The following PTPRD variants were observed in gnomAD, a reference collection of about 807,000 sequenced individuals.
PTPRD encodes receptor-type tyrosine-protein phosphatase delta.
PTPRD carries 34 observed loss-of-function variants against 214.5 expected under a neutral mutation model. That is an observed-to-expected ratio of 0.16 (90% CI 0.12 to 0.21). The LOEUF is 0.21. PTPRD is among the 10% of genes least tolerant of loss of function. The pLI, the probability that PTPRD is intolerant of heterozygous loss-of-function variation, is 1.00. For synonymous variants in PTPRD, 1,128 were observed against 845.7 expected (o/e 1.33, Z -5.79); for missense variants, 2,545 against 2,398.7 (o/e 1.06, Z -1.27).
intron 2 of PTPRD, among the ~76,000 whole-genome samples, chr9:10,598,612 C>T (rs1289243800): frequency 6.6e-6 from 1 of 151,034 alleles, no homozygotes; most frequent in Non-Finnish European, 1.5e-5. Flanking sequence ...TGGCATTCAA[C>T]ATTATGGAGC....
intron 8 of PTPRD, among the ~76,000 whole-genome samples, chr9:9,540,888 C>A (rs1365036595): frequency 6.6e-6 from 1 of 151,540 alleles, no homozygotes; most frequent in Non-Finnish European, 1.5e-5. Context: ...CAAAACGTTG[C>A]CATAAATTTT....
At chr9:10,463,621 T>G (rs575604160) in intron 2 of PTPRD, among the ~76,000 whole-genome samples, 72 of 141,256 alleles carry the variant, frequency 5.1e-4, no homozygotes, top group African/African-American at 1.5e-3. Context: ...AAAAAGAGGG[T>G]TTTTTTTTCT....
chr9:10,568,558 G>C (rs1335636088), intron 2 of PTPRD, among the ~76,000 whole-genome samples: 3 of 152,152 alleles, frequency 2.0e-5, no homozygotes, highest in Admixed American at 6.5e-5. Flanking sequence ...TTCCACAATG[G>C]TTGAACTAGT....
intron 9 of PTPRD, among the ~76,000 whole-genome samples, chr9:9,319,597 G>C (rs768017423): frequency 6.6e-6 from 1 of 152,076 alleles, no homozygotes; most frequent in Admixed American, 6.6e-5. Context: ...TTCCCCATAT[G>C]TCTTCTACTC....
Position 10,441,349 on chromosome 9 carries a change from T to C in PTPRD, c.-599-100332A>G, listed in dbSNP as rs1266047280. ...TGGACTTCCTTTACTCTTTCCTATG[T>C]ATCAGGCAGTATAGGCATTCTGAAT... On this transcript the variant is annotated intron_variant, in intron 2 of 45. Coordinates refer to ENST00000381196, the MANE Select transcript of PTPRD (RefSeq NM_002839.4). Among the ~76,000 whole-genome samples the C allele has an allele frequency of 2.0e-5, 3 of 151,712 alleles. No homozygotes were observed. In the South Asian group the frequency reaches 6.2e-4, roughly 31 times the overall value.
At chr9:8,745,316 C>G (rs779617529) in intron 11 of PTPRD, among the ~76,000 whole-genome samples, 1 of 152,104 alleles carries the variant, frequency 6.6e-6, no homozygotes, top group Non-Finnish European at 1.5e-5. Flanking sequence ...TGACTTACTG[C>G]AACAGAAATA....
chr9:10,305,762 T>C (rs2096043137), intron 3 of PTPRD, among the ~76,000 whole-genome samples: 1 of 152,012 alleles, frequency 6.6e-6, no homozygotes. Context: ...AATTAAAAAG[T>C]CAGGAAACAA....
Position 8,612,572 on chromosome 9 carries a change from G to C in PTPRD, c.352+20745C>G, listed in dbSNP as rs139438402. The stretch of plus-strand genomic sequence containing the variant: ...TCAGTTATTACATGGGAATGCATTG[G>C]TCAGAAGAAGCAAGACAGAAGAATA... On this transcript the variant is annotated intron_variant, in intron 14 of 45. Coordinates refer to ENST00000381196, the MANE Select transcript of PTPRD (RefSeq NM_002839.4). 4.9e-3 allele frequency among the ~76,000 whole-genome samples: 751 copies of C among 152,344 alleles called. 7 individuals carry two copies. Among genetic ancestry groups the C allele is most frequent in the African/African-American group, 0.017 (722 of 41,578 alleles).
Position 10,085,095 on chromosome 9 carries a change from A to G in PTPRD, c.-544-51305T>C, listed in dbSNP as rs959637958. Among the ~76,000 whole-genome samples the G allele has an allele frequency of 1.8e-4, 27 of 151,904 alleles. 1 individual carries two copies. The highest frequency in any genetic ancestry group is 1.8e-3 in the Admixed American group (27 of 15,192). On this transcript the variant is annotated intron_variant, in intron 3 of 45. Transcript: ENST00000381196. ...TGAACATTCATTAGGAATGGTTACA[A>G]AATATTTGAATTTCTCCTTCATTCT...
At chr9:9,854,169 A>G (rs912412191) in intron 5 of PTPRD, among the ~76,000 whole-genome samples, 3 of 152,180 alleles carry the variant, frequency 2.0e-5, no homozygotes, top group African/African-American at 4.8e-5. Context: ...CCTGCTATTT[A>G]CATTAAATGT....
intron 11 of PTPRD, among the ~76,000 whole-genome samples, chr9:9,001,370 T>A (rs553513455): frequency 6.6e-6 from 1 of 151,990 alleles, no homozygotes; most frequent in East Asian, 1.9e-4. Context: ...CTCTGACAGA[T>A]TGAGTTACCT....
chr9:8,943,674 AAATGG>A (rs2099046994), intron 11 of PTPRD, among the ~76,000 whole-genome samples: 2 of 151,492 alleles, frequency 1.3e-5, no homozygotes, highest in Non-Finnish European at 2.9e-5. Context: ...TTCCCAGAAT[AAATGG>A]TTCTGGGAAA....
intron 11 of PTPRD, among the ~76,000 whole-genome samples, chr9:9,014,176 CG>C (rs1213111603): frequency 1.5e-4 from 18 of 123,112 alleles, no homozygotes; most frequent in African/African-American, 5.8e-4. Context: ...GCTATTACCT[CG>C]TTTTTTTTTG....
At chr9:10,321,929 G>A (rs895951265) in intron 3 of PTPRD, among the ~76,000 whole-genome samples, 7 of 151,988 alleles carry the variant, frequency 4.6e-5, no homozygotes, top group Admixed American at 1.3e-4. Context: ...AAAAAGCCAG[G>A]AAGGAAGATT....
chr9:9,556,323 G>T (rs572823341), intron 8 of PTPRD, among the ~76,000 whole-genome samples: 1 of 152,106 alleles, frequency 6.6e-6, no homozygotes, highest in East Asian at 1.9e-4. Context: ...GGAGGGGTTG[G>T]TCTTGCTGTC....
intron 8 of PTPRD, among the ~76,000 whole-genome samples, chr9:9,437,109 G>C (rs2085594516): frequency 6.6e-6 from 1 of 152,094 alleles, no homozygotes; most frequent in African/African-American, 2.4e-5. Context: ...GAATTCACTG[G>C]GACACTATAT....
intron 2 of PTPRD, among the ~76,000 whole-genome samples, chr9:10,552,626 C>G (rs2061588847): frequency 6.6e-6 from 1 of 152,160 alleles, no homozygotes; most frequent in Non-Finnish European, 1.5e-5. Flanking sequence ...GCTCTTTCCT[C>G]TCTCCAACTT....
chr9:8,845,814 G>A (rs1391461266), intron 11 of PTPRD, among the ~76,000 whole-genome samples: 1 of 152,164 alleles, frequency 6.6e-6, no homozygotes, highest in Non-Finnish European at 1.5e-5. Flanking sequence ...TTGCTCTTGT[G>A]AGTCTGGCTT....
chr9:9,059,617 G>T (rs191313420), intron 10 of PTPRD, among the ~76,000 whole-genome samples: 30 of 152,166 alleles, frequency 2.0e-4, no homozygotes, highest in Admixed American at 6.5e-5. Context: ...AAGCACATTT[G>T]TTAGTAAAAG....
Sources: gnomAD v4.1 joint callset for allele counts (sites outside exome capture counted in the v4.1 genomes callset) on GRCh38, gnomAD v4.1.1 for gene constraint, MANE v1.5 for transcripts, NCBI Gene and HGNC (gene_info 2026-07-23, HGNC 2026-07-21) for gene names.